Variants in CSMD2 observed in about 807,000 individuals in gnomAD.
CSMD2 encodes the protein CUB and sushi domain-containing protein 2.
A neutral mutation model predicts 398.5 loss-of-function variants in CSMD2; 130 were observed. The ratio of observed to expected loss-of-function variants is 0.33; its 90% CI spans 0.28 to 0.38. The LOEUF is 0.38. Among genes scored for constraint, CSMD2 ranks in the 10% least tolerant of loss-of-function variants. The pLI is 1.00. For synonymous variants in CSMD2, 1,828 were observed against 1,908.5 expected (o/e 0.96, Z 1.10); for missense variants, 3,829 against 4,764.9 (o/e 0.80, Z 5.78).
At chr1:33,735,958 T>A (rs1361211077) in intron 15 of CSMD2, among the ~76,000 whole-genome samples, 2 of 152,178 alleles carry the variant, frequency 1.3e-5, no homozygotes, top group Non-Finnish European at 2.9e-5. Context: ...CAGCTCTGTC[T>A]AAGGTTTTAA....
In CSMD2 at chr1:34,037,126, A is replaced by ATTTAG. The variant is rs951311330; in HGVS notation, c.405-4421_405-4420insCTAAA. Among the ~76,000 whole-genome samples the ATTTAG allele has an allele frequency of 1.5e-4, 23 of 152,192 alleles. 1 individual carries two copies. The East Asian group carries it at 4.5e-3, about 29-fold the overall frequency. On this transcript the variant is annotated intron_variant, in intron 2 of 70. Transcript: ENST00000373381. ...CTCTACCAATAAAAAATTAAATTTA[A>ATTTAG]TAAGTTTTAAAAAATTATATCTATG...
intron 5 of CSMD2, among the ~76,000 whole-genome samples, chr1:33,847,509 A>G (rs1638354262): frequency 6.6e-6 from 1 of 152,006 alleles, no homozygotes; most frequent in Non-Finnish European, 1.5e-5. Context: ...CTTTTGGAGA[A>G]CAGGAGTAAT....
At position 33,546,208 on chromosome 1, in the gene CSMD2, C is replaced by T. The variant is rs1656876768; in HGVS notation, c.8929G>A (p.Gly2977Arg). The change falls in exon 57 of 71, where the codon GGA becomes AGA. Residue 2977 changes from glycine (G) to arginine (R), a missense_variant. Coordinates refer to ENST00000373381, the MANE Select transcript of CSMD2 (RefSeq NM_001281956.2). ...GGGATCCCAGGGTCACCGCAAACTC[C>T]CACGCTGGTTCCTATGGACCAGAAC... is the stretch of plus-strand genomic sequence containing the variant. ...SLPHCSGTSVGVCGDPGIPAH... is the reference protein window; with the variant it reads ...SLPHCSGTSVRVCGDPGIPAH... 2 of 1,613,332 alleles carry T rather than the reference C, an allele frequency of 1.2e-6. No homozygotes were observed. The highest frequency in any genetic ancestry group is 1.7e-6 in the Non-Finnish European group (2 of 1,179,516).
chr1:34,093,351 C>T (rs1474506534), intron 1 of CSMD2, among the ~76,000 whole-genome samples: 1 of 152,156 alleles, frequency 6.6e-6, no homozygotes, highest in Non-Finnish European at 1.5e-5. Context: ...AGCAGAGCGC[C>T]TCTCCTCCTC....
intron 19 of CSMD2, among the ~76,000 whole-genome samples, chr1:33,718,381 C>T (rs1023755934): frequency 6.6e-6 from 1 of 152,186 alleles, no homozygotes; most frequent in Non-Finnish European, 1.5e-5. Flanking sequence ...TGCACATGGG[C>T]CATGCCCCAT....
intron 22 of CSMD2, among the ~76,000 whole-genome samples, chr1:33,707,676 C>T (rs1471213070): frequency 4.3e-5 from 6 of 139,418 alleles, no homozygotes; most frequent in South Asian, 2.3e-4. Flanking sequence ...AACACGCACG[C>T]GTGCACACGC....
chr1:34,032,407 A>G (rs10157317), intron 3 of CSMD2, among the ~76,000 whole-genome samples, 187 bp downstream of exon 3: 41,068 of 152,124 alleles, frequency 0.27, 6,661 homozygotes, highest in African/African-American at 0.45. Context: ...TTCAATTCTC[A>G]GTTTCCTGGG....
intron 13 of CSMD2, 183 bp downstream of exon 13, chr1:33,772,386 C>T (rs564301700): frequency 2.8e-5 from 16 of 579,522 alleles, no homozygotes; most frequent in Middle Eastern, 9.3e-4. Flanking sequence ...GTGCTACAGT[C>T]GACATTCCTG....
intron 68 of CSMD2, among the ~76,000 whole-genome samples, chr1:33,520,773 G>C (rs947814046): frequency 6.6e-6 from 1 of 152,186 alleles, no homozygotes; most frequent in Non-Finnish European, 1.5e-5. Flanking sequence ...GGGCCCCGGC[G>C]ATGGGAGGTG....
intron 5 of CSMD2, chr1:33,864,809 C>T (rs1639861766): frequency 7.0e-7 from 1 of 1,421,674 alleles, no homozygotes. Context: ...TTCCTGGTCT[C>T]ATGTGTGGCA....
chr1:34,153,024 A>AT (rs560268923), intron 1 of CSMD2, among the ~76,000 whole-genome samples: 19 of 151,710 alleles, frequency 1.3e-4, no homozygotes, highest in Middle Eastern at 3.4e-3. Context: ...TTTCTTTTTA[A>AT]TTTTTTTTTG....
chr1:33,916,058 AT>A (rs1222637860), intron 5 of CSMD2, among the ~76,000 whole-genome samples: 1 of 152,218 alleles, frequency 6.6e-6, no homozygotes, highest in African/African-American at 2.4e-5. Context: ...TAAAGAGCTT[AT>A]AACCTGTCTG....
intron 15 of CSMD2, among the ~76,000 whole-genome samples, chr1:33,734,135 T>C (rs563355144): frequency 1.3e-5 from 2 of 152,358 alleles, no homozygotes; most frequent in South Asian, 4.1e-4. Flanking sequence ...TTAGATTTCT[T>C]TGTGGTCATG....
intron 4 of CSMD2, among the ~76,000 whole-genome samples, chr1:33,931,065 T>G (rs1432451798): frequency 6.6e-6 from 1 of 152,100 alleles, no homozygotes; most frequent in East Asian, 1.9e-4. Flanking sequence ...ACTGGGCAGG[T>G]GGGGTAACCC....
chr1:33,655,064 G>A (rs1239807349), intron 27 of CSMD2, among the ~76,000 whole-genome samples: 1 of 152,260 alleles, frequency 6.6e-6, no homozygotes, highest in East Asian at 1.9e-4. Context: ...CAACAGGAAG[G>A]CTCCTACTGC....
At chr1:33,581,573 G>T (rs1254461223) in intron 47 of CSMD2, among the ~76,000 whole-genome samples, 4 of 137,870 alleles carry the variant, frequency 2.9e-5, no homozygotes, top group Non-Finnish European at 6.4e-5. Flanking sequence ...AAAAAGCTCA[G>T]TGCCTGCCAT....
chr1:33,877,969 T>G (rs1558042268), intron 5 of CSMD2, among the ~76,000 whole-genome samples: 1 of 152,040 alleles, frequency 6.6e-6, no homozygotes, highest in Non-Finnish European at 1.5e-5. Context: ...GCCAATCAGA[T>G]TCTCTCTCTT....
chr1:34,111,879 C>T (rs1264873445), intron 1 of CSMD2, among the ~76,000 whole-genome samples: 3 of 152,188 alleles, frequency 2.0e-5, no homozygotes, highest in Non-Finnish European at 4.4e-5. Context: ...CTCAACTAGA[C>T]ACGACTCCAT....
chr1:33,884,362 G>A (rs1232473922), intron 5 of CSMD2, among the ~76,000 whole-genome samples: 1 of 146,032 alleles, frequency 6.8e-6, no homozygotes. Context: ...CACCCCAGGG[G>A]CACCTCAAAC....
Sources: gnomAD v4.1 joint callset for allele counts (sites outside exome capture counted in the v4.1 genomes callset) on GRCh38, gnomAD v4.1.1 for gene constraint, MANE v1.5 for transcripts, NCBI Gene and HGNC (gene_info 2026-07-23, HGNC 2026-07-21) for gene names.